Variants in KDSR observed in about 807,000 individuals in gnomAD.
The protein encoded by KDSR is 3-dehydrosphinganine reductase.
Under a neutral mutation model 41.3 loss-of-function variants are expected in KDSR, and 23 were observed. The ratio of observed to expected loss-of-function variants is 0.56; its 90% CI spans 0.40 to 0.79. The LOEUF (loss-of-function observed/expected upper bound fraction) is 0.79. Among genes scored for constraint, KDSR ranks in the 30% least tolerant of loss-of-function variants. The pLI, the probability that KDSR is intolerant of heterozygous loss-of-function variation, is 0.00. For synonymous variants in KDSR, 138 were observed against 151.7 expected (o/e 0.91, Z 0.66); for missense variants, 351 against 416.8 (o/e 0.84, Z 1.37).
chr18:63,360,458 C>T (rs1214751982), intron 2 of KDSR, among the ~76,000 whole-genome samples: 1 of 152,218 alleles, frequency 6.6e-6, no homozygotes, highest in South Asian at 2.1e-4. Context: ...AAAGGAGAGG[C>T]GAATTCTTCC....
chr18:63,350,854 G>A (rs1170469501), intron 6 of KDSR, 34 bp downstream of exon 6: 1 of 1,471,602 alleles, frequency 6.8e-7, no homozygotes, highest in Non-Finnish European at 9.4e-7. Flanking sequence ...GCTGAGCGGA[G>A]AGGAATAAAT....
intron 2 of KDSR, among the ~76,000 whole-genome samples, chr18:63,360,880 C>A (rs188560115): frequency 6.8e-6 from 1 of 146,316 alleles, no homozygotes; most frequent in Non-Finnish European, 1.5e-5. Context: ...TGAGGCCGGG[C>A]GCAGTGGCTC....
At chr18:63,337,495 C>T (rs1329175637) in intron 8 of KDSR, among the ~76,000 whole-genome samples, 1 of 152,054 alleles carries the variant, frequency 6.6e-6, no homozygotes, top group African/African-American at 2.4e-5. Context: ...TAAATATAGC[C>T]ATGTAAATAA....
chr18:63,362,879 A>G lies in KDSR; in HGVS notation c.109-11T>C, dbSNP rs953793101. 6.3e-7 allele frequency: 1 copy of G among 1,585,816 alleles called. No individual in the cohort carries two copies. The highest frequency in any genetic ancestry group is 8.7e-7 in the Non-Finnish European group (1 of 1,155,480). On this transcript the variant is annotated splice_polypyrimidine_tract_variant and intron_variant, in intron 1 of 9. Transcript: ENST00000645214. ...GGAACCTCCTGTAACCTAAAACAAA[A>G]TCATAAAATATTCTTAGCACTTGAA... is the stretch of plus-strand genomic sequence containing the variant.
Position 63,359,654 on chromosome 18 carries a change from T to A in KDSR, c.255+82A>T, listed in dbSNP as rs1235617377. 3 of 890,176 alleles carry A rather than the reference T, an allele frequency of 3.4e-6. No individual in the cohort carries two copies. In the East Asian group the frequency reaches 7.2e-5, roughly 21 times the overall value. The allele number at this position is 890,176 out of a possible 1,614,324, so 55.1% of individuals were successfully genotyped here. ...TACATATATGCTTTCAATTAACTAT[T>A]CACAGGTGAAGTAACTCTGTTTTTC... On this transcript the variant is annotated intron_variant, in intron 3 of 9. Transcript: ENST00000645214.
At chr18:63,343,942 T>C (rs1914424170) in intron 7 of KDSR, among the ~76,000 whole-genome samples, 1 of 152,100 alleles carries the variant, frequency 6.6e-6, no homozygotes, top group Non-Finnish European at 1.5e-5. Flanking sequence ...CCTGGGAGGC[T>C]GAGGAGGGAG....
intron 1 of KDSR, among the ~76,000 whole-genome samples, chr18:63,364,385 C>T (rs1350410743): frequency 6.6e-6 from 1 of 152,116 alleles, no homozygotes; most frequent in Non-Finnish European, 1.5e-5. Context: ...TAGCACTTAG[C>T]CTGGGGAGGG....
rs1913972745 is a variant in KDSR at position 63,331,169 on chromosome 18, G to A, written c.*613C>T. The A allele has an allele frequency of 8.6e-6, 2 of 233,010 alleles. No homozygotes were observed. The highest frequency in any genetic ancestry group is 3.6e-4 in the South Asian group (2 of 5,518). 14.4% of individuals were successfully genotyped at this position (233,010 alleles called of 1,614,324 possible). A position where few individuals can be genotyped will look rare whatever the true frequency, so the allele number is the denominator to read the frequency against. On this transcript the variant is annotated 3_prime_UTR_variant, in exon 10 of 10. Coordinates refer to ENST00000645214, the MANE Select transcript of KDSR (RefSeq NM_002035.4). ...GAGAAGCCATGAGTTTCCACCAGCA[G>A]CAGAGTGAGTCCTGAGCACAACACA...
At chr18:63,352,471 T>C (rs1003096698) in intron 5 of KDSR, among the ~76,000 whole-genome samples, 1 of 152,126 alleles carries the variant, frequency 6.6e-6, no homozygotes, top group Non-Finnish European at 1.5e-5. Flanking sequence ...CCAGCCACCA[T>C]GCCTAGCTAA....
chr18:63,361,773 C>G (rs1322821099), intron 2 of KDSR, among the ~76,000 whole-genome samples: 1 of 152,098 alleles, frequency 6.6e-6, no homozygotes, highest in Non-Finnish European at 1.5e-5. Flanking sequence ...CGAGATCATG[C>G]CACTGCACTC....
chr18:63,331,655 G>A lies in KDSR; in HGVS notation c.*127C>T. On this transcript the variant is annotated 3_prime_UTR_variant, in exon 10 of 10. Transcript: ENST00000645214. ...CCTTGCTTGCAGCCACATTCCTGAA[G>A]AGCACTGGTCCAATCTGACGTATTC... The A allele has an allele frequency of 1.2e-6, 1 of 822,436 alleles. No individual in the cohort carries two copies. Among genetic ancestry groups the A allele is most frequent in the South Asian group, 1.9e-5 (1 of 53,766 alleles). 50.9% of individuals were successfully genotyped at this position (822,436 alleles called of 1,614,324 possible).
In KDSR at chr18:63,329,934, CT is replaced by C. The variant is rs965176453; in HGVS notation, c.*1847del. ...AACGCAACTCGATATAATCTGCAAACTTTGGCTCTGTAAGACTGAAAGATTT... is the reference window on the plus strand; with the variant it reads ...AACGCAACTCGATATAATCTGCAAACTTGGCTCTGTAAGACTGAAAGATTT... On this transcript the variant is annotated 3_prime_UTR_variant, in exon 10 of 10. Coordinates refer to ENST00000645214, the MANE Select transcript of KDSR (RefSeq NM_002035.4). The C allele has an allele frequency of 5.2e-6, 1 of 191,310 alleles. No individual in the cohort carries two copies. Among genetic ancestry groups the C allele is most frequent in the Non-Finnish European group, 1.1e-5 (1 of 91,282 alleles). 11.9% of individuals were successfully genotyped at this position (191,310 alleles called of 1,614,324 possible).
intron 8 of KDSR, among the ~76,000 whole-genome samples, chr18:63,338,154 T>A (rs1271353539): frequency 1.3e-5 from 2 of 152,384 alleles, no homozygotes; most frequent in Non-Finnish European, 2.9e-5. Flanking sequence ...ACTTCAAGGC[T>A]GTCCACCATG....
chr18:63,364,204 G>GC (rs903752905), intron 1 of KDSR, among the ~76,000 whole-genome samples: 1 of 151,860 alleles, frequency 6.6e-6, no homozygotes, highest in African/African-American at 2.4e-5. Context: ...TGTCTCCCCT[G>GC]CCCCCACACT....
chr18:63,362,682 G>A (rs1183483640), intron 2 of KDSR, 97 bp downstream of exon 2: 10 of 770,470 alleles, frequency 1.3e-5, no homozygotes, highest in African/African-American at 5.3e-5. Context: ...AGGAAGAAGC[G>A]CTTTCTAGGT....
At chr18:63,357,237 T>C (rs1438044844) in intron 3 of KDSR, among the ~76,000 whole-genome samples, 2 of 152,142 alleles carry the variant, frequency 1.3e-5, no homozygotes, top group African/African-American at 2.4e-5. Context: ...TTCCTACTTA[T>C]GGGAGCTTAA....
intron 8 of KDSR, among the ~76,000 whole-genome samples, chr18:63,337,291 T>G (rs934344636): frequency 1.3e-5 from 2 of 151,938 alleles, no homozygotes; most frequent in Non-Finnish European, 2.9e-5. Flanking sequence ...AATTTTTGTA[T>G]TTTTAGTAGA....
chr18:63,338,099 A>G (rs1201759391), intron 8 of KDSR, among the ~76,000 whole-genome samples: 1 of 152,192 alleles, frequency 6.6e-6, no homozygotes, highest in African/African-American at 2.4e-5. Flanking sequence ...AGAATTCACT[A>G]TTCTCATTCT....
At chr18:63,344,697 G>GAAAACCTA in intron 6 of KDSR, 1 of 474,186 alleles carries the variant, frequency 2.1e-6, no homozygotes, top group Non-Finnish European at 3.8e-6. Context: ...ACCCTAACCT[G>GAAAACCTA]GACCCCAGAA....
Sources: allele counts gnomAD v4.1 joint callset (sites outside exome capture counted in the v4.1 genomes callset), GRCh38; gene constraint gnomAD v4.1.1; transcripts MANE v1.5; gene names NCBI Gene and HGNC (gene_info 2026-07-23, HGNC 2026-07-21).